CDHR4: variants seen among roughly 807,000 people sequenced by gnomAD.
CDHR4 encodes the protein cadherin related family member 4.
A neutral mutation model predicts 88.4 loss-of-function variants in CDHR4; 89 were observed. That is an observed-to-expected ratio of 1.01 (90% CI 0.85 to 1.20). The LOEUF (loss-of-function observed/expected upper bound fraction) is 1.20, where lower values mean the gene tolerates loss of function less well. CDHR4 is among the 50% of genes most tolerant of loss of function. CDHR4 has a pLI of 0.00. For missense variants in CDHR4, 914 were observed against 1,007.2 expected, an observed-to-expected ratio of 0.91 and a Z score of 1.25; for synonymous variants, 368 against 399.2, an observed-to-expected ratio of 0.92 and a Z score of 0.93.
At chr3:49,799,533 G>C in intron 1 of CDHR4, 96 bp from the exon 2 acceptor site, 1 of 1,319,908 alleles carries the variant, frequency 7.6e-7, no homozygotes, top group African/African-American at 1.5e-5. Context: ...GCCTGGCCAT[G>C]CCATGGGGCC....
In CDHR4 at chr3:49,799,322, C is replaced by CAACT. The variant is rs1559424818; in HGVS notation, c.161_164dup (p.Leu56ValfsTer69). On this transcript the variant is annotated frameshift_variant, in exon 2 of 19. Coordinates refer to ENST00000412678, the MANE Select transcript of CDHR4 (RefSeq NM_001007540.4). LOFTEE classifies it high-confidence loss of function. The stretch of plus-strand genomic sequence containing the variant: ...AGGTGGTGGGTGGCTGGACATTGAG[C>CAACT]AACTCCAGGGTGGGTGTGGGCGTGT... The CAACT allele has an allele frequency of 1.2e-6, 2 of 1,613,934 alleles. No individual in the cohort carries two copies. The highest frequency in any genetic ancestry group is 1.7e-6 in the Non-Finnish European group (2 of 1,179,870).
chr3:49,791,686 C>T, intron 17 of CDHR4, 28 bp downstream of exon 17: 1 of 1,550,608 alleles, frequency 6.4e-7, no homozygotes, highest in Non-Finnish European at 8.7e-7. Flanking sequence ...CCTTGGTGTC[C>T]ACTACTTGAG....
chr3:49,798,916 A>T lies in CDHR4; in HGVS notation c.405T>A (p.Ala135=). ...IQCAGQFASP[A]GEMIQVPETV... ...TCTCTGGCACCTGAATCATTTCCCC[A>T]GCTGGCCAGAGTGGAGGTCAGGGAG... is the stretch of plus-strand genomic sequence containing the variant. The change falls in exon 4 of 19, where the codon GCT becomes GCA. Residue 135 remains alanine (A), a splice_region_variant and synonymous_variant. Transcript: ENST00000412678. 6.2e-7 allele frequency: 1 copy of T among 1,613,040 alleles called. No individual in the cohort carries two copies. Among genetic ancestry groups the T allele is most frequent in the African/African-American group, 1.3e-5 (1 of 75,010 alleles).
chr3:49,791,602 C>A, intron 17 of CDHR4, 112 bp downstream of exon 17: 1 of 1,474,578 alleles, frequency 6.8e-7, no homozygotes, highest in South Asian at 1.3e-5. Context: ...GGCATTTCCA[C>A]AAGGATACCC....
At chr3:49,791,673 C>T (rs1364517250) in intron 17 of CDHR4, 41 bp downstream of exon 17, 2 of 1,547,388 alleles carry the variant, frequency 1.3e-6, no homozygotes, top group South Asian at 1.2e-5. Context: ...TACTCTGAAG[C>T]ACCCTTGGTG....
At chr3:49,796,177 C>T (rs2081268807) in intron 5 of CDHR4, 131 bp from the exon 6 acceptor site, 2 of 600,906 alleles carry the variant, frequency 3.3e-6, no homozygotes, top group Non-Finnish European at 5.7e-6. Flanking sequence ...CACTCTTCCC[C>T]ATGATCCCCA....
chr3:49,790,824 A>C lies in CDHR4; in HGVS notation c.*8T>G. 1 of 1,550,628 alleles carries C rather than the reference A, an allele frequency of 6.4e-7. No homozygotes were observed. The highest frequency in any genetic ancestry group is 2.0e-5 in the Admixed American group (1 of 50,776). On this transcript the variant is annotated 3_prime_UTR_variant, in exon 19 of 19. Coordinates refer to ENST00000412678, the MANE Select transcript of CDHR4 (RefSeq NM_001007540.4). ...AAATTCCACACATAGTAAGACAGCT[A>C]CTTGGCCTCAGAGCCAGCGCCGGGC...
In CDHR4 at chr3:49,792,992, C is replaced by T. The variant is rs34160951; in HGVS notation, c.1857G>A (p.Gln619=). ...DLVLGPFWPE[Q]PRTYELLICV... is the part of the protein sequence containing the mutation. The stretch of plus-strand genomic sequence containing the variant: ...AGATCAGTAGCTCATAGGTACGGGG[C>T]TGCTCTGGCCAGAACGGCCCCAACA... Residue 619 remains glutamine (Q), a synonymous_variant, in exon 14 of 19, where the codon CAG becomes CAA. Coordinates refer to ENST00000412678, the MANE Select transcript of CDHR4 (RefSeq NM_001007540.4). 2,917 of 1,551,696 alleles carry T rather than the reference C, an allele frequency of 1.9e-3. 4 individuals are homozygous for T. Among genetic ancestry groups the T allele is most frequent in the Admixed American group, 2.5e-3 (128 of 50,998 alleles).
Position 49,799,280 on chromosome 3 carries a change from G to A in CDHR4, c.207C>T (p.Ser69=), listed in dbSNP as rs2081325144. 6.2e-7 allele frequency: 1 copy of A among 1,613,752 alleles called. No homozygotes were observed. Among genetic ancestry groups the A allele is most frequent in the Admixed American group, 1.7e-5 (1 of 59,986 alleles). The change falls in exon 2 of 19, where the codon AGC becomes AGT. Residue 69 remains serine, a synonymous_variant. Coordinates refer to ENST00000412678, the MANE Select transcript of CDHR4 (RefSeq NM_001007540.4). Reference sequence around the variant, plus strand: ...CATAGGTCCCTTGCCACCTGGCCAAGCTGGGTGGGTTGAAGAAGGTGGTGG... The same window carrying A: ...CATAGGTCCCTTGCCACCTGGCCAAACTGGGTGGGTTGAAGAAGGTGGTGG... ...QPPTTFFNPP[S]LARWQGTYVG...
chr3:49,794,374 G>A (rs563883414), intron 10 of CDHR4, among the ~76,000 whole-genome samples: 1 of 151,906 alleles, frequency 6.6e-6, no homozygotes, highest in Non-Finnish European at 1.5e-5. Flanking sequence ...CTCCAGCCTG[G>A]GTGACAGAGC....
intron 4 of CDHR4, chr3:49,798,163 G>A (rs1392601919): frequency 6.7e-6 from 1 of 148,304 alleles, no homozygotes; most frequent in Non-Finnish European, 1.5e-5. Context: ...CCCCCTCAAA[G>A]TGCTGGGATT....
At chr3:49,797,101 A>G in intron 4 of CDHR4, 69 bp from the exon 5 acceptor site, 1 of 1,294,210 alleles carries the variant, frequency 7.7e-7, no homozygotes, top group Non-Finnish European at 1.1e-6. Context: ...TCGACAACCC[A>G]GCAGCAACCC....
chr3:49,802,314 C>T (rs907746510), upstream of CDHR4, among the ~76,000 whole-genome samples: 1 of 152,176 alleles, frequency 6.6e-6, no homozygotes, highest in Non-Finnish European at 1.5e-5. Flanking sequence ...GCTGGGACTA[C>T]AGGCGCCCGC....
At chr3:49,793,549 A>G (rs1306278915) in intron 12 of CDHR4, 34 bp downstream of exon 12, 2 of 1,549,076 alleles carry the variant, frequency 1.3e-6, no homozygotes, top group East Asian at 2.4e-5. Context: ...TGTCTTTCCA[A>G]GTATTTATTT....
chr3:49,794,094 G>C (rs960686865), intron 10 of CDHR4, 88 bp from the exon 11 acceptor site: 5 of 1,331,418 alleles, frequency 3.8e-6, no homozygotes, highest in South Asian at 2.7e-5. Context: ...CCCTGCCCTG[G>C]GGGTCTAAAG....
intron 4 of CDHR4, 133 bp from the exon 5 acceptor site, chr3:49,797,165 T>C: frequency 1.7e-6 from 1 of 590,380 alleles, no homozygotes. Context: ...CTTCCTTCCT[T>C]CTTTCCTTTC....
chr3:49,795,544 G>A lies in CDHR4; in HGVS notation c.847+84C>T, dbSNP rs925127899. ...TCTCCAAGACCAGGCCCCCAAACAG[G>A]AAGGTGAAGAGGTACTATGGGTCAC... On this transcript the variant is annotated intron_variant, in intron 7 of 18. Coordinates refer to ENST00000412678, the MANE Select transcript of CDHR4 (RefSeq NM_001007540.4). This position sits in a 1 kb window ranked among gnomAD's most constrained non-coding sequence, Gnocchi z 5.4. 17 of 1,523,614 alleles carry A rather than the reference G, an allele frequency of 1.1e-5. No individual in the cohort carries two copies. The highest frequency in any genetic ancestry group is 4.0e-4 in the Middle Eastern group (2 of 5,020). The allele number at this position is 1,523,614 out of a possible 1,614,324, so 94.4% of individuals were successfully genotyped here.
In CDHR4 at chr3:49,793,920, C is replaced by T; in HGVS notation, c.1366G>A (p.Ala456Thr). ...GAGCCCAGTAGAGTGTGGGGCGCCG[C>T]ATCCTCCTGAACCCGGAACGTGCGA... ...APRTFRVQED[A>T]APHTLLGSVV... is the part of the protein sequence containing the mutation. Residue 456 changes from alanine to threonine, a missense_variant, in exon 11 of 19, where the codon GCG becomes ACG. Physicochemically the swap from Ala to Thr is moderately conservative, Grantham distance 58. Coordinates refer to ENST00000412678, the MANE Select transcript of CDHR4 (RefSeq NM_001007540.4). 1 of 1,551,794 alleles carries T rather than the reference C, an allele frequency of 6.4e-7. No homozygotes were observed. The highest frequency in any genetic ancestry group is 8.7e-7 in the Non-Finnish European group (1 of 1,147,004).
In CDHR4 at chr3:49,791,452, G is replaced by A; in HGVS notation, c.2300C>T (p.Ala767Val). 1.3e-6 allele frequency: 2 copies of A among 1,547,282 alleles called. No homozygotes were observed. The highest frequency in any genetic ancestry group is 1.2e-5 in the South Asian group (1 of 83,310). The part of the protein sequence containing the change: ...SVMSLHFDGR[A>V]QDSRTGRDYL... Reference sequence around the variant, plus strand: ...AGAGGGGGACTCACGGGAGTCCTGTGCTCTGCCATCAAAATGCTGCTGAGG... The same window carrying A: ...AGAGGGGGACTCACGGGAGTCCTGTACTCTGCCATCAAAATGCTGCTGAGG... The change falls in exon 18 of 19, where the codon GCA becomes GTA. Residue 767 changes from alanine to valine, a missense_variant. Coordinates refer to ENST00000412678, the MANE Select transcript of CDHR4 (RefSeq NM_001007540.4).
Sources: allele counts gnomAD v4.1 joint callset (sites outside exome capture counted in the v4.1 genomes callset), GRCh38; gene constraint gnomAD v4.1.1; non-coding constraint Gnocchi (gnomAD v3.1); transcripts MANE v1.5; gene names NCBI Gene and HGNC (gene_info 2026-07-23, HGNC 2026-07-21).